The following ZXDC variants were observed in gnomAD, a reference collection of about 807,000 sequenced individuals.
ZXDC encodes zinc finger protein ZXDC.
A neutral mutation model predicts 63.6 loss-of-function variants in ZXDC; 58 were observed. That is an observed-to-expected ratio of 0.91 (90% confidence interval 0.74 to 1.13). The LOEUF (loss-of-function observed/expected upper bound fraction) is 1.13, where lower values mean the gene tolerates loss of function less well. Among genes scored for constraint, ZXDC ranks in the 50% most tolerant of loss-of-function variants. ZXDC has a pLI of 0.00. For synonymous variants in ZXDC, 561 were observed against 496.1 expected, an observed-to-expected ratio of 1.13 and a Z score of -1.74; for missense variants, 1,133 against 1,148.9, an observed-to-expected ratio of 0.99 and a Z score of 0.20.
At chr3:126,461,165 TA>T in intron 6 of ZXDC, 1 of 1,002,320 alleles carries the variant, frequency 1.0e-6, no homozygotes, top group Non-Finnish European at 1.2e-6. Context: ...GAAGGTGGCT[TA>T]TGTCTCGACT....
intron 4 of ZXDC, among the ~76,000 whole-genome samples, chr3:126,468,306 T>A (rs1934854536): frequency 7.0e-6 from 1 of 142,524 alleles, no homozygotes; most frequent in Non-Finnish European, 1.5e-5. Context: ...TGTCCTTTCC[T>A]CCTCCTCCTG....
At chr3:126,441,619 G>A in intron 8 of ZXDC, 146 bp downstream of exon 8, 1 of 1,380,660 alleles carries the variant, frequency 7.2e-7, no homozygotes, top group Non-Finnish European at 9.3e-7. Flanking sequence ...CAGGACTTGG[G>A]GCAGTCTACA....
In ZXDC at chr3:126,475,055, C is replaced by A; in HGVS notation, c.811G>T (p.Glu271Ter). ...GHEQESLFKC[E>*]VCAERFPTHA... is the part of the protein sequence containing the mutation. ...GTGGGGAAGCGCTCGGCGCACACCTCGCACTTGAACAGGCTCTCCTGCTCG... is the reference window on the plus strand; with the variant it reads ...GTGGGGAAGCGCTCGGCGCACACCTAGCACTTGAACAGGCTCTCCTGCTCG... Residue 271 changes from glutamate (E) to a stop codon, truncating the protein, a stop_gained, in exon 1 of 10, where the codon GAG (glutamate) becomes TAG (stop). Transcript: ENST00000389709. LOFTEE classifies it high-confidence loss of function. 6.2e-7 allele frequency: 1 copy of A among 1,603,518 alleles called. No individual in the cohort carries two copies. Among genetic ancestry groups the A allele is most frequent in the Non-Finnish European group, 8.5e-7 (1 of 1,175,182 alleles).
intron 7 of ZXDC, chr3:126,459,293 C>T (rs562538159): frequency 4.1e-6 from 4 of 985,448 alleles, no homozygotes; most frequent in Admixed American, 6.1e-5. Context: ...CAGGTCTCTG[C>T]CATGCCAAGA....
At chr3:126,446,504 C>T (rs1933888669) in intron 7 of ZXDC, among the ~76,000 whole-genome samples, 1 of 152,226 alleles carries the variant, frequency 6.6e-6, no homozygotes, top group Non-Finnish European at 1.5e-5. Flanking sequence ...GTGCCTGCCA[C>T]AGGACAGAGT....
rs1445846130 is a variant in ZXDC, at chr3:126,462,363, C to CA, written c.1442-144dup. The CA allele has an allele frequency of 6.4e-6, 9 of 1,397,724 alleles. No homozygotes were observed. The East Asian group carries it at 1.5e-4, about 24-fold the overall frequency. 86.6% of individuals were successfully genotyped at this position (1,397,724 alleles called of 1,614,324 possible). The stretch of plus-strand genomic sequence containing the variant: ...ACACCCTGAAGCTTGGTTATCACGA[C>CA]AGAGTCCCATGGCCGGTCGCTCAGG... On this transcript the variant is annotated intron_variant, in intron 5 of 9. Transcript: ENST00000389709.
At chr3:126,474,907 C>A (rs1226795639) in intron 1 of ZXDC, 52 bp downstream of exon 1, 15 of 1,515,358 alleles carry the variant, frequency 9.9e-6, no homozygotes, top group South Asian at 1.3e-5. Flanking sequence ...CGTGGCACCC[C>A]AGACCTGCCT....
rs1297023252 is a variant in ZXDC, at chr3:126,441,870, A to G, written c.2289T>C (p.Ser763=). 2.5e-6 allele frequency: 4 copies of G among 1,613,678 alleles called. No individual in the cohort carries two copies. Among genetic ancestry groups the G allele is most frequent in the Non-Finnish European group, 2.5e-6 (3 of 1,179,844 alleles). Residue 763 remains serine (S), a synonymous_variant, in exon 8 of 10, where the codon AGT becomes AGC. Transcript: ENST00000389709. ...SPPHFHASQN[S]WLCGSLVVPS... is the part of the protein sequence containing the mutation. The stretch of plus-strand genomic sequence containing the variant: ...GCACCACGAGGCTCCCACACAACCA[A>G]CTGTTCTGGCTTGCATGGAAATGGG...
Position 126,451,653 on chromosome 3 carries a change from A to T in ZXDC, c.2212+8000T>A, listed in dbSNP as rs902576481. Reference sequence around the variant, plus strand: ...GGAAGGCCTAGCCGACCTGGCCCTCAGTCAGATCTACCAATGTCCTTGTGA... The same window carrying T: ...GGAAGGCCTAGCCGACCTGGCCCTCTGTCAGATCTACCAATGTCCTTGTGA... On this transcript the variant is annotated intron_variant, in intron 7 of 9. Coordinates refer to ENST00000389709, the MANE Select transcript of ZXDC (RefSeq NM_025112.5). 8.1e-6 allele frequency: 8 copies of T among 985,252 alleles called. No individual in the cohort carries two copies. In the African/African-American group the frequency reaches 1.2e-4, roughly 15 times the overall value. The allele number at this position is 985,252 out of a possible 1,614,324, so 61.0% of individuals were successfully genotyped here. A position where few individuals can be genotyped will look rare whatever the true frequency, so the allele number is the denominator to read the frequency against.
intron 3 of ZXDC, among the ~76,000 whole-genome samples, 195 bp downstream of exon 3, chr3:126,471,778 G>GA (rs1327368579): frequency 2.6e-5 from 4 of 151,508 alleles, no homozygotes; most frequent in Admixed American, 1.3e-4. Flanking sequence ...AGTATACACA[G>GA]AAAAAACTGA....
At chr3:126,440,377 C>T in intron 8 of ZXDC, 1 of 985,874 alleles carries the variant, frequency 1.0e-6, no homozygotes, top group African/African-American at 1.7e-5. Context: ...GTCTGCACTA[C>T]TGTTCCCATT....
intron 7 of ZXDC, chr3:126,451,726 C>G: frequency 1.0e-6 from 1 of 985,426 alleles, no homozygotes; most frequent in Non-Finnish European, 1.2e-6. Context: ...TCATGACCTT[C>G]TGCACCATGA....
At position 126,441,812 on chromosome 3, in the gene ZXDC, C is replaced by G; in HGVS notation, c.2347G>C (p.Ala783Pro). 1 of 1,613,194 alleles carries G rather than the reference C, an allele frequency of 6.2e-7. No homozygotes were observed. ...CCCTGCGCCCCGCACTGCACCCCAGCTGCTGGAGCTGGTCCTGGCCGTCCT... is the reference window on the plus strand; with the variant it reads ...CCCTGCGCCCCGCACTGCACCCCAGGTGCTGGAGCTGGTCCTGGCCGTCCT... ...SGGRPGPAPA[A>P]GVQCGAQGVQ... is the part of the protein sequence containing the mutation. The change falls in exon 8 of 10, where the codon GCT becomes CCT. Residue 783 changes from alanine (A) to proline (P), a missense_variant. By Grantham distance (27) the Ala-to-Pro change is conservative (BLOSUM62 -1). Transcript: ENST00000389709.
At chr3:126,452,936 C>T (rs955423699) in intron 7 of ZXDC, 10 of 791,920 alleles carry the variant, frequency 1.3e-5, no homozygotes, top group African/African-American at 1.9e-5. Context: ...GGGGGTCTTA[C>T]CACGTTGCCC....
intron 7 of ZXDC, among the ~76,000 whole-genome samples, chr3:126,447,137 C>T (rs1239776271): frequency 6.6e-6 from 1 of 152,210 alleles, no homozygotes; most frequent in Non-Finnish European, 1.5e-5. Flanking sequence ...CATGGGTATT[C>T]TCACCAAGCT....
chr3:126,467,108 C>G (rs1934799833), intron 4 of ZXDC, among the ~76,000 whole-genome samples: 1 of 152,110 alleles, frequency 6.6e-6, no homozygotes, highest in African/African-American at 2.4e-5. Context: ...AACATGCAAG[C>G]AGCAGAGGAA....
chr3:126,460,520 G>A (rs1934484004), intron 6 of ZXDC: 1 of 961,468 alleles, frequency 1.0e-6, no homozygotes, highest in South Asian at 4.8e-5. Flanking sequence ...CTGCACCAGG[G>A]AGCTTCCATT....
chr3:126,459,948 T>C lies in ZXDC; in HGVS notation c.2128-211A>G, dbSNP rs531619544. 3.0e-6 allele frequency: 3 copies of C among 985,492 alleles called. No individual in the cohort carries two copies. The South Asian group carries it at 1.4e-4, about 46-fold the overall frequency. 61.0% of individuals were successfully genotyped at this position (985,492 alleles called of 1,614,324 possible). A position where few individuals can be genotyped will look rare whatever the true frequency, so the allele number is the denominator to read the frequency against. On this transcript the variant is annotated intron_variant, in intron 6 of 9. Transcript: ENST00000389709. ...GCTGGAACAATGTATGTGACTTTCT[T>C]ATCCAGAGAAGCAAAGTTCATTCCT...
At chr3:126,441,669 C>CGAT in intron 8 of ZXDC, 96 bp downstream of exon 8, 1 of 1,441,708 alleles carries the variant, frequency 6.9e-7, no homozygotes, top group Non-Finnish European at 9.1e-7. Flanking sequence ...GGGGGTGCTG[C>CGAT]GATGGGCAGG....
Sources: gnomAD v4.1 joint callset for allele counts (sites outside exome capture counted in the v4.1 genomes callset) on GRCh38, gnomAD v4.1.1 for gene constraint, MANE v1.5 for transcripts, NCBI Gene and HGNC (gene_info 2026-07-23, HGNC 2026-07-21) for gene names.